Variants in KIF5C observed in about 807,000 individuals in gnomAD.
KIF5C encodes the protein kinesin family member 5C, also known as kinesin heavy chain isoform 5C.
A neutral mutation model predicts 125.2 loss-of-function variants in KIF5C; 18 were observed. That is an observed-to-expected ratio of 0.14 (90% CI 0.10 to 0.21). The LOEUF (loss-of-function observed/expected upper bound fraction) is 0.21, where lower values mean the gene tolerates loss of function less well. Among genes scored for constraint, KIF5C ranks in the 10% least tolerant of loss-of-function variants. KIF5C has a pLI of 1.00. For synonymous variants in KIF5C, 405 were observed against 434.0 expected (o/e 0.93, Z 0.83); for missense variants, 780 against 1,183.8 (o/e 0.66, Z 5.01).
chr2:148,969,031 C>T (rs1680823290), intron 11 of KIF5C, among the ~76,000 whole-genome samples: 1 of 152,138 alleles, frequency 6.6e-6, no homozygotes, highest in African/African-American at 2.4e-5. Context: ...TCTGTGTTCT[C>T]CTGAGGCTTT....
intron 19 of KIF5C, chr2:148,998,861 AAAAG>A (rs1299598207): frequency 0.027 from 2,345 of 87,172 alleles, 33 homozygotes; most frequent in Middle Eastern, 0.04. Context: ...AAAAGAAAAG[AAAAG>A]AAAAAAAAAA....
chr2:149,009,553 C>A (rs1682119538), intron 23 of KIF5C, among the ~76,000 whole-genome samples: 1 of 152,092 alleles, frequency 6.6e-6, no homozygotes, highest in South Asian at 2.1e-4. Context: ...AAAGAGCTGG[C>A]CCTTGAGCCC....
chr2:148,876,313 G>A lies in KIF5C; in HGVS notation c.126+570G>A, dbSNP rs745714621. 1.2e-4 allele frequency among the ~76,000 whole-genome samples: 18 copies of A among 152,238 alleles called. No individual in the cohort carries two copies. The highest frequency in any genetic ancestry group is 1.9e-4 in the Non-Finnish European group (13 of 68,028). On this transcript the variant is annotated intron_variant, in intron 1 of 25. Transcript: ENST00000435030. This position sits in a 1 kb window ranked among gnomAD's most constrained non-coding sequence, Gnocchi z 4.7. ...ACACCTGGCTCCGCGCGCGGAAGGC[G>A]GAGGGTTGGGGGAGTACTGGTGGCC...
At chr2:148,903,189 A>G (rs1007672878) in intron 1 of KIF5C, among the ~76,000 whole-genome samples, 1 of 152,086 alleles carries the variant, frequency 6.6e-6, no homozygotes, top group South Asian at 2.1e-4. Flanking sequence ...ACCTAGTGCT[A>G]TTTACTAAGT....
intron 1 of KIF5C, among the ~76,000 whole-genome samples, chr2:148,880,880 G>C (rs1424620759): frequency 2.6e-5 from 4 of 151,654 alleles, no homozygotes; most frequent in Non-Finnish European, 5.9e-5. Flanking sequence ...CACAGTCAGT[G>C]AATGGGGTGG....
At position 148,875,376 on chromosome 2, in the gene KIF5C, A is replaced by G. The variant is rs1681149583; in HGVS notation, c.-242A>G. The G allele has an allele frequency of 4.7e-6, 2 of 427,470 alleles. No individual in the cohort carries two copies. The highest frequency in any genetic ancestry group is 3.7e-5 in the South Asian group (1 of 26,828). 26.5% of individuals were successfully genotyped at this position (427,470 alleles called of 1,614,324 possible). ...GGGGGGCGCTGGGCAGGGGCGGGGC[A>G]GGGCCAGGGCAGGCCGGTCTGCAGC... is the stretch of plus-strand genomic sequence containing the variant. On this transcript the variant is annotated 5_prime_UTR_variant, in exon 1 of 26. Coordinates refer to ENST00000435030, the MANE Select transcript of KIF5C (RefSeq NM_004522.3).
chr2:148,928,891 T>C (rs576468930), intron 2 of KIF5C, among the ~76,000 whole-genome samples: 4 of 152,220 alleles, frequency 2.6e-5, no homozygotes, highest in Non-Finnish European at 5.9e-5. Context: ...AGAAATTCTG[T>C]TCTTCATCTC....
chr2:148,919,470 G>C (rs1681695690), intron 1 of KIF5C, among the ~76,000 whole-genome samples: 1 of 152,184 alleles, frequency 6.6e-6, no homozygotes, highest in African/African-American at 2.4e-5. Context: ...GTGATGACTA[G>C]AGCAAGTTGG....
intron 10 of KIF5C, among the ~76,000 whole-genome samples, chr2:148,957,819 G>T (rs532907450): frequency 6.6e-6 from 1 of 151,846 alleles, no homozygotes; most frequent in African/African-American, 2.4e-5. Context: ...ATACACATGT[G>T]ACCACCACCC....
intron 11 of KIF5C, among the ~76,000 whole-genome samples, chr2:148,963,604 C>A (rs1682979936): frequency 6.6e-6 from 1 of 152,122 alleles, no homozygotes; most frequent in South Asian, 2.1e-4. Context: ...GTGGATGATT[C>A]TTTGCAATTT....
At chr2:148,932,397 T>G (rs1303540757) in intron 3 of KIF5C, among the ~76,000 whole-genome samples, 1 of 152,160 alleles carries the variant, frequency 6.6e-6, no homozygotes, top group Non-Finnish European at 1.5e-5. Flanking sequence ...AAATTGGAAA[T>G]ATTAGCTTCT....
chr2:149,014,494 G>T (rs1049031328), intron 25 of KIF5C, among the ~76,000 whole-genome samples: 1 of 152,188 alleles, frequency 6.6e-6, no homozygotes, highest in African/African-American at 2.4e-5. Context: ...CAGCTCTCAG[G>T]ATGGCAGTGT....
At chr2:148,894,762 C>T (rs2105049767) in intron 1 of KIF5C, among the ~76,000 whole-genome samples, 1 of 151,234 alleles carries the variant, frequency 6.6e-6, no homozygotes, top group African/African-American at 2.4e-5. Flanking sequence ...AAAGTAATCA[C>T]AAGTGTTCAG....
chr2:148,945,534 C>T (rs1037156546), intron 7 of KIF5C, among the ~76,000 whole-genome samples: 2 of 152,042 alleles, frequency 1.3e-5, no homozygotes, highest in African/African-American at 4.8e-5. Flanking sequence ...GTTTTGATTC[C>T]TGTAGCTTTG....
chr2:148,920,294 TAACA>T (rs1441684765), intron 1 of KIF5C, among the ~76,000 whole-genome samples: 1 of 152,236 alleles, frequency 6.6e-6, no homozygotes, highest in Non-Finnish European at 1.5e-5. Flanking sequence ...GTTCAATTGA[TAACA>T]AATACCCAGA....
intron 17 of KIF5C, among the ~76,000 whole-genome samples, chr2:148,996,737 T>C (rs1255886268): frequency 6.6e-6 from 1 of 152,204 alleles, no homozygotes; most frequent in Non-Finnish European, 1.5e-5. Flanking sequence ...TCTTTCTGTT[T>C]CCCGTGTTCC....
chr2:148,925,629 T>C (rs2105086803), intron 2 of KIF5C, among the ~76,000 whole-genome samples: 1 of 152,316 alleles, frequency 6.6e-6, no homozygotes, highest in South Asian at 2.1e-4. Flanking sequence ...CTGACTGATA[T>C]TCTTCTGTAC....
intron 15 of KIF5C, among the ~76,000 whole-genome samples, chr2:148,988,179 G>A (rs1443867300): frequency 3.3e-5 from 5 of 150,938 alleles, no homozygotes; most frequent in African/African-American, 1.2e-4. Context: ...AAATAACAGT[G>A]TCCTGAAATT....
At position 148,875,759 on chromosome 2, in the gene KIF5C, G is replaced by A; in HGVS notation, c.126+16G>A. 1 of 1,598,992 alleles carries A rather than the reference G, an allele frequency of 6.3e-7. No homozygotes were observed. The highest frequency in any genetic ancestry group is 1.3e-5 in the African/African-American group (1 of 74,734). On this transcript the variant is annotated intron_variant, in intron 1 of 25. Coordinates refer to ENST00000435030, the MANE Select transcript of KIF5C (RefSeq NM_004522.3). ...GGTGATCGGGGTAAGTGGCTGGGGC[G>A]TCTGCCTTCCCTGCTGCTCCGCGCC...
Sources: allele counts gnomAD v4.1 joint callset (sites outside exome capture counted in the v4.1 genomes callset), GRCh38; gene constraint gnomAD v4.1.1; non-coding constraint Gnocchi (gnomAD v3.1); transcripts MANE v1.5; gene names NCBI Gene and HGNC (gene_info 2026-07-23, HGNC 2026-07-21).